The following ESPL1 variants were observed in gnomAD, a reference collection of about 807,000 sequenced individuals.
ESPL1 encodes the protein separin.
A neutral mutation model predicts 217.2 loss-of-function variants in ESPL1; 50 were observed. The ratio of observed to expected loss-of-function variants is 0.23; its 90% CI spans 0.18 to 0.29. The LOEUF (loss-of-function observed/expected upper bound fraction) is 0.29, where lower values mean the gene tolerates loss of function less well. ESPL1 is among the 10% of genes least tolerant of loss of function. The probability of loss-of-function intolerance (pLI) is 1.00; values close to 1 mark genes in which losing one functional copy is unlikely to be tolerated. For synonymous variants in ESPL1, 994 were observed against 1,081.3 expected (o/e 0.92, Z 1.58); for missense variants, 1,834 against 2,603.0 (o/e 0.70, Z 6.43).
At chr12:53,275,330 G>A (rs1372695223) in intron 7 of ESPL1, among the ~76,000 whole-genome samples, 2 of 152,006 alleles carry the variant, frequency 1.3e-5, no homozygotes, top group Admixed American at 6.6e-5. Flanking sequence ...GCGTGGTGGC[G>A]GGTGCCTGTA....
intron 3 of ESPL1, 49 bp from the exon 4 acceptor site, chr12:53,270,329 G>A (rs774546138): frequency 4.5e-6 from 6 of 1,340,600 alleles, no homozygotes; most frequent in Non-Finnish European, 4.3e-6. Flanking sequence ...TCAGCTTGGA[G>A]CCCTCTTTAT....
rs1387919077 is a variant in ESPL1, at chr12:53,286,116, C to T, written c.3380C>T (p.Pro1127Leu). Reference sequence around the variant, plus strand: ...ATAGCACCTTCTACAAACTCCTCCCCAGTCTTGAAAACCAAGCCCCAGCCC... The same window carrying T: ...ATAGCACCTTCTACAAACTCCTCCCTAGTCTTGAAAACCAAGCCCCAGCCC... ...GPIAPSTNSS[P>L]VLKTKPQPIP... The change falls in exon 18 of 31, where the codon CCA becomes CTA. Residue 1127 changes from proline to leucine, a missense_variant. By Grantham distance (98) the Pro-to-Leu change is moderately conservative. This residue lies in a region of ESPL1 where 681 missense variants were observed against 808.0 expected (regional missense o/e 0.84). Coordinates refer to ENST00000257934, the MANE Select transcript of ESPL1 (RefSeq NM_012291.5). This position sits in a 1 kb window ranked among gnomAD's most constrained non-coding sequence, Gnocchi z 5.3. 1 of 1,613,900 alleles carries T rather than the reference C, an allele frequency of 6.2e-7. No individual in the cohort carries two copies.
At chr12:53,288,775 A>C in intron 20 of ESPL1, 76 bp downstream of exon 20, 1 of 1,419,630 alleles carries the variant, frequency 7.0e-7, no homozygotes, top group Non-Finnish European at 9.6e-7. Context: ...CTGTCTTTCC[A>C]GGCTGGGTTC....
chr12:53,289,329 C>T (rs898119371), intron 21 of ESPL1, 26 bp downstream of exon 21: 3 of 1,610,342 alleles, frequency 1.9e-6, no homozygotes, highest in Non-Finnish European at 2.5e-6. Context: ...CCCCAAGACT[C>T]CTGCTGGGGC....
At position 53,290,443 on chromosome 12, in the gene ESPL1, C is replaced by T. The variant is rs1305580696; in HGVS notation, c.5338C>T (p.Arg1780Trp). ...CTDKREWWTG[R>W]LALDHRMEVL... ...TGACAAGCGAGAATGGTGGACAGGG[C>T]GGCTGGCACTGGACCACAGGATGGA... Residue 1780 changes from arginine (R) to tryptophan (W), a missense_variant, in exon 24 of 31, where the codon CGG (arginine) becomes TGG (tryptophan). Arg to Trp is a moderately radical substitution (Grantham distance 101). Around this residue, in one of 5 missense-constraint regions of ESPL1, gnomAD observed 295 missense variants for 519.8 expected, o/e 0.57. Coordinates refer to ENST00000257934, the MANE Select transcript of ESPL1 (RefSeq NM_012291.5). 5 of 1,612,832 alleles carry T rather than the reference C, an allele frequency of 3.1e-6. No homozygotes were observed. Among genetic ancestry groups the T allele is most frequent in the Non-Finnish European group, 4.2e-6 (5 of 1,179,678 alleles).
Position 53,293,189 on chromosome 12 carries a change from C to A in ESPL1, c.6162-84C>A. The A allele has an allele frequency of 2.5e-6, 3 of 1,218,592 alleles. No individual in the cohort carries two copies. The highest frequency in any genetic ancestry group is 3.6e-6 in the Non-Finnish European group (3 of 828,612). 75.5% of individuals were successfully genotyped at this position (1,218,592 alleles called of 1,614,324 possible). ...TCTCATTGGTTCAATCCTCTCCACT[C>A]ACCCACCCCCACCACCAATGGTGTT... On this transcript the variant is annotated intron_variant, in intron 30 of 30. Coordinates refer to ENST00000257934, the MANE Select transcript of ESPL1 (RefSeq NM_012291.5). This position sits in a 1 kb window ranked among gnomAD's most constrained non-coding sequence, Gnocchi z 4.2.
Position 53,282,072 on chromosome 12 carries a change from C to T in ESPL1, c.2620-192C>T, listed in dbSNP as rs1943871409. Among the ~76,000 whole-genome samples, 2 of 152,164 alleles carry T rather than the reference C, an allele frequency of 1.3e-5. No individual in the cohort carries two copies. The highest frequency in any genetic ancestry group is 1.5e-5 in the Non-Finnish European group (1 of 68,038). ...GTGAGGGCAAAGCTAGGAACTGTTA[C>T]TGCTTCTCAGGGTCAGGAACATTCT... On this transcript the variant is annotated intron_variant, in intron 13 of 30. Coordinates refer to ENST00000257934, the MANE Select transcript of ESPL1 (RefSeq NM_012291.5). The surrounding 1 kb of genome is among the most constrained non-coding windows in gnomAD (Gnocchi z 4.0).
At chr12:53,281,133 AC>A (rs1323470598) in intron 12 of ESPL1, among the ~76,000 whole-genome samples, 1 of 91,188 alleles carries the variant, frequency 1.1e-5, no homozygotes, top group African/African-American at 4.0e-5. Context: ...ACTTTACTCC[AC>A]TTTTTTTTTT....
In ESPL1 at chr12:53,282,752, C is replaced by T. The variant is rs531892354; in HGVS notation, c.2791+317C>T. Among the ~76,000 whole-genome samples, 17 of 152,216 alleles carry T rather than the reference C, an allele frequency of 1.1e-4. 1 individual carries two copies. Among genetic ancestry groups the T allele is most frequent in the Admixed American group, 3.9e-4 (6 of 15,282 alleles). ...CACTGCAACCTCTGCCTCCTGGGTT[C>T]AAACGATTCTCCTGCCTCAACCTCC... On this transcript the variant is annotated intron_variant, in intron 14 of 30. Transcript: ENST00000257934. This position sits in a 1 kb window ranked among gnomAD's most constrained non-coding sequence, Gnocchi z 4.0.
At chr12:53,272,587 T>A in intron 5 of ESPL1, 134 bp from the exon 6 acceptor site, 1 of 1,004,048 alleles carries the variant, frequency 1.0e-6, no homozygotes, top group South Asian at 1.6e-5. Flanking sequence ...TCCCCATTCC[T>A]AGCAGTAGGG....
In ESPL1 at chr12:53,286,417, C is replaced by T; in HGVS notation, c.3681C>T (p.Tyr1227=). 1.2e-6 allele frequency: 2 copies of T among 1,614,226 alleles called. No individual in the cohort carries two copies. The highest frequency in any genetic ancestry group is 8.5e-7 in the Non-Finnish European group (1 of 1,180,034). ...SLLDEILAQA[Y]TLLALEGLNQ... is the part of the protein sequence containing the mutation. ...TGGATGAGATCTTGGCTCAAGCATA[C>T]ACACTGTTGGCACTGGAGGGCCTGA... The change falls in exon 18 of 31, where the codon TAC becomes TAT. Residue 1227 remains tyrosine (Y), a synonymous_variant. Transcript: ENST00000257934. This position sits in a 1 kb window ranked among gnomAD's most constrained non-coding sequence, Gnocchi z 5.3.
chr12:53,271,344 C>T (rs1943670705), intron 5 of ESPL1, among the ~76,000 whole-genome samples: 2 of 151,390 alleles, frequency 1.3e-5, no homozygotes, highest in Non-Finnish European at 2.9e-5. Flanking sequence ...GCCTCAGCCT[C>T]CCAAGTAGCT....
Position 53,293,253 on chromosome 12 carries a change from T to C in ESPL1, c.6162-20T>C. 6.2e-7 allele frequency: 1 copy of C among 1,603,188 alleles called. No individual in the cohort carries two copies. Among genetic ancestry groups the C allele is most frequent in the Non-Finnish European group, 8.5e-7 (1 of 1,170,032 alleles). ...TGTTTTAGAGCCCTTACTTTGTATT[T>C]CCTCCTTTTCTTTTCCCAGCCCCTT... On this transcript the variant is annotated intron_variant, in intron 30 of 30. Transcript: ENST00000257934. The surrounding 1 kb of genome is among the most constrained non-coding windows in gnomAD (Gnocchi z 4.2).
At chr12:53,273,655 AG>A (rs1943713961) in intron 6 of ESPL1, among the ~76,000 whole-genome samples, 1 of 150,682 alleles carries the variant, frequency 6.6e-6, no homozygotes, top group Admixed American at 6.6e-5. Context: ...GCTACTTTGG[AG>A]GCTGAGGCAG....
chr12:53,290,289 G>A (rs1944029878), intron 23 of ESPL1, 58 bp from the exon 24 acceptor site: 1 of 1,610,388 alleles, frequency 6.2e-7, no homozygotes, highest in African/African-American at 1.3e-5. Flanking sequence ...TGTGTTGAGG[G>A]AGGGAGAGAT....
chr12:53,280,733 C>A (rs1326683267), intron 12 of ESPL1, among the ~76,000 whole-genome samples: 1 of 152,058 alleles, frequency 6.6e-6, no homozygotes, highest in African/African-American at 2.4e-5. Flanking sequence ...GTGGCTCACA[C>A]GTGTAATCCC....
intron 13 of ESPL1, 85 bp downstream of exon 13, chr12:53,281,711 T>C: frequency 7.5e-7 from 1 of 1,341,926 alleles, no homozygotes; most frequent in Non-Finnish European, 1.0e-6. Flanking sequence ...GCTTTTGAGA[T>C]TTCCCTGGAG....
At position 53,272,774 on chromosome 12, in the gene ESPL1, G is replaced by A. The variant is rs750266425; in HGVS notation, c.1423G>A (p.Glu475Lys). 1.9e-6 allele frequency: 3 copies of A among 1,614,124 alleles called. No homozygotes were observed. Among genetic ancestry groups the A allele is most frequent in the Middle Eastern group, 1.6e-4 (1 of 6,062 alleles). ...CTTCTATAGTCACAAGCTCTATGCC[G>A]AGGCCTGTGCCATCTCTGAGCCGCT... ...YSFYSHKLYA[E>K]ACAISEPLCQ... The change falls in exon 6 of 31, where the codon GAG becomes AAG. Residue 475 changes from glutamate to lysine, a missense_variant. By Grantham distance (56) the Glu-to-Lys change is moderately conservative. This residue lies in a region of ESPL1 where 746 missense variants were observed against 1,077.0 expected (regional missense o/e 0.69). Coordinates refer to ENST00000257934, the MANE Select transcript of ESPL1 (RefSeq NM_012291.5).
At position 53,277,587 on chromosome 12, in the gene ESPL1, T is replaced by A. The variant is rs1030866823; in HGVS notation, c.2203T>A (p.Phe735Ile). The change falls in exon 10 of 31, where the codon TTC becomes ATC. Residue 735 changes from phenylalanine to isoleucine, a missense_variant. Physicochemically the swap from Phe to Ile is conservative, Grantham distance 21. Coordinates refer to ENST00000257934, the MANE Select transcript of ESPL1 (RefSeq NM_012291.5). The stretch of plus-strand genomic sequence containing the variant: ...TCGTTTCCTATACAGTAACATTGCC[T>A]TCAACCTGGCTGCAGATGCTGGTGA... ...EDRFLYSNIAFNLAADAAQSK... is the reference protein window; with the variant it reads ...EDRFLYSNIAINLAADAAQSK... 7 of 1,614,176 alleles carry A rather than the reference T, an allele frequency of 4.3e-6. No homozygotes were observed. Among genetic ancestry groups the A allele is most frequent in the Non-Finnish European group, 5.9e-6 (7 of 1,180,014 alleles).
Sources: allele counts gnomAD v4.1 joint callset (sites outside exome capture counted in the v4.1 genomes callset), GRCh38; gene constraint gnomAD v4.1.1; regional missense constraint gnomAD v4.1.1; non-coding constraint Gnocchi (gnomAD v3.1); transcripts MANE v1.5; gene names NCBI Gene and HGNC (gene_info 2026-07-23, HGNC 2026-07-21).